Variants in POU1F1 observed in about 807,000 individuals in gnomAD.
POU1F1 encodes POU class 1 homeobox 1, also known as pituitary-specific positive transcription factor 1.
In POU1F1, 23 loss-of-function variants were observed where a neutral mutation model predicts 32.3. That is an observed-to-expected ratio of 0.71 (90% CI 0.51 to 1.01). The LOEUF is 1.01. Among genes scored for constraint, POU1F1 ranks in the 50% least tolerant of loss-of-function variants. The pLI is 0.00. For missense variants in POU1F1, 323 were observed against 341.6 expected (o/e 0.95, Z 0.43); for synonymous variants, 120 against 115.6 (o/e 1.04, Z -0.25).
chr3:87,274,709 T>C (rs1021636516), intron 1 of POU1F1, among the ~76,000 whole-genome samples: 1 of 151,592 alleles, frequency 6.6e-6, no homozygotes, highest in Non-Finnish European at 1.5e-5. Flanking sequence ...AAAGTCAGTG[T>C]TTCTATAATA....
intron 1 of POU1F1, among the ~76,000 whole-genome samples, chr3:87,275,683 T>C (rs1483880331): frequency 6.6e-6 from 1 of 152,134 alleles, no homozygotes. Flanking sequence ...TTATGTGAGA[T>C]AAATGTTAAA....
rs1323682484 is a variant in POU1F1, at chr3:87,260,151, A to C, written c.666-47T>G. 5 of 1,516,084 alleles carry C rather than the reference A, an allele frequency of 3.3e-6. No individual in the cohort carries two copies. The South Asian group carries it at 4.6e-5, about 14-fold the overall frequency. 93.9% of individuals were successfully genotyped at this position (1,516,084 alleles called of 1,614,324 possible). A position where few individuals can be genotyped will look rare whatever the true frequency, so the allele number is the denominator to read the frequency against. ...GGGTGAAATTTTGTTGTTTTTAGTG[A>C]AGTTTTTGGCAGCTCAAAATTAAGG... is the stretch of plus-strand genomic sequence containing the variant. On this transcript the variant is annotated intron_variant, in intron 5 of 5. Transcript: ENST00000350375.
chr3:87,274,305 G>A (rs1036942072), intron 1 of POU1F1, among the ~76,000 whole-genome samples: 21 of 151,858 alleles, frequency 1.4e-4, no homozygotes, highest in Admixed American at 1.4e-3. Flanking sequence ...AAGTTGATAG[G>A]GAGCACAAAA....
At chr3:87,273,751 T>C (rs761868291) in intron 1 of POU1F1, among the ~76,000 whole-genome samples, 1 of 152,182 alleles carries the variant, frequency 6.6e-6, no homozygotes, top group Non-Finnish European at 1.5e-5. Flanking sequence ...CTGACCAATT[T>C]AGACCTTGGC....
chr3:87,261,133 G>T, intron 5 of POU1F1, 140 bp downstream of exon 5: 1 of 621,612 alleles, frequency 1.6e-6, no homozygotes. Context: ...CTGGTCTCGA[G>T]CTCCTGACCT....
At chr3:87,276,205 T>A in intron 1 of POU1F1, 116 bp downstream of exon 1, 5 of 1,345,048 alleles carry the variant, frequency 3.7e-6, no homozygotes, top group Non-Finnish European at 4.3e-6. Flanking sequence ...TTAAGACAAA[T>A]TAAATTGGAG....
At chr3:87,260,139 T>C in intron 5 of POU1F1, 35 bp from the exon 6 acceptor site, 2 of 1,573,054 alleles carry the variant, frequency 1.3e-6, no homozygotes, top group Non-Finnish European at 1.7e-6. Flanking sequence ...TGAAATTTTG[T>C]TGTTTTTAGT....
At chr3:87,275,387 T>C (rs961993621) in intron 1 of POU1F1, among the ~76,000 whole-genome samples, 1 of 152,046 alleles carries the variant, frequency 6.6e-6, no homozygotes, top group African/African-American at 2.4e-5. Flanking sequence ...AAGATAGAGC[T>C]TAAATCCTTC....
intron 1 of POU1F1, 198 bp from the exon 2 acceptor site, chr3:87,273,616 G>T: frequency 2.0e-6 from 2 of 1,015,178 alleles, no homozygotes; most frequent in East Asian, 2.6e-5. Context: ...GTTCTCTGAC[G>T]AGTAGGTTAA....
At position 87,259,680 on chromosome 3, in the gene POU1F1, A is replaced by G. The variant is rs1248488672; in HGVS notation, c.*214T>C. ...TGTTAATATATTTGGCTTAAAATAGATAATGTGGCTTCTGAGAATAATTAT... is the reference window on the plus strand; with the variant it reads ...TGTTAATATATTTGGCTTAAAATAGGTAATGTGGCTTCTGAGAATAATTAT... On this transcript the variant is annotated 3_prime_UTR_variant, in exon 6 of 6. Coordinates refer to ENST00000350375, the MANE Select transcript of POU1F1 (RefSeq NM_000306.4). The G allele has an allele frequency of 1.6e-5, 9 of 549,738 alleles. No homozygotes were observed. The highest frequency in any genetic ancestry group is 1.3e-4 in the African/African-American group (7 of 52,858). 34.1% of individuals were successfully genotyped at this position (549,738 alleles called of 1,614,324 possible).
At chr3:87,271,872 T>C (rs17189466) in intron 2 of POU1F1, among the ~76,000 whole-genome samples, 21,597 of 152,070 alleles carry the variant, frequency 0.14, 1,626 homozygotes, top group South Asian at 0.19. Context: ...ACCATAAATG[T>C]TAGGATACTG....
At chr3:87,261,953 A>C in intron 4 of POU1F1, 118 bp downstream of exon 4, 1 of 1,225,816 alleles carries the variant, frequency 8.2e-7, no homozygotes, top group Non-Finnish European at 1.2e-6. Flanking sequence ...TTTTCATCTC[A>C]AAGAGAAAAG....
intron 2 of POU1F1, among the ~76,000 whole-genome samples, chr3:87,266,700 C>T (rs935017069): frequency 6.6e-6 from 1 of 151,738 alleles, no homozygotes; most frequent in South Asian, 2.1e-4. Flanking sequence ...TATTATATAG[C>T]TTTTCTTGAA....
At chr3:87,270,413 G>T (rs780353554) in intron 2 of POU1F1, among the ~76,000 whole-genome samples, 1 of 152,038 alleles carries the variant, frequency 6.6e-6, no homozygotes, top group Admixed American at 6.6e-5. Flanking sequence ...GGACTATTAC[G>T]TACAGTGGAT....
intron 2 of POU1F1, among the ~76,000 whole-genome samples, chr3:87,267,836 G>C (rs1706652462): frequency 6.6e-6 from 1 of 151,940 alleles, no homozygotes; most frequent in Admixed American, 6.6e-5. Context: ...AAAACTCCTG[G>C]CTTCAAGCAA....
At chr3:87,260,988 G>A (rs547127234) in intron 5 of POU1F1, among the ~76,000 whole-genome samples, 2 of 151,632 alleles carry the variant, frequency 1.3e-5, no homozygotes, top group East Asian at 3.9e-4. Context: ...TCGGATCACT[G>A]CAACCTCCGC....
intron 4 of POU1F1, 48 bp downstream of exon 4, chr3:87,262,023 A>T (rs370470103): frequency 6.2e-7 from 1 of 1,607,836 alleles, no homozygotes; most frequent in Non-Finnish European, 8.5e-7. Flanking sequence ...TGAAGCCATT[A>T]TTTTTAGGTT....
intron 3 of POU1F1, among the ~76,000 whole-genome samples, chr3:87,263,972 T>C (rs1354108945): frequency 6.6e-6 from 1 of 152,042 alleles, no homozygotes; most frequent in Non-Finnish European, 1.5e-5. Context: ...TTATACTCTT[T>C]TGTACTTTTG....
chr3:87,273,455 A>G (rs1159586760), intron 1 of POU1F1, 37 bp from the exon 2 acceptor site: 3 of 1,611,006 alleles, frequency 1.9e-6, no homozygotes, highest in Non-Finnish European at 2.5e-6. Context: ...AAATGTGTGC[A>G]CAAACATTTA....
Sources: allele counts gnomAD v4.1 joint callset (sites outside exome capture counted in the v4.1 genomes callset), GRCh38; gene constraint gnomAD v4.1.1; transcripts MANE v1.5; gene names NCBI Gene and HGNC (gene_info 2026-07-23, HGNC 2026-07-21).